PTPRN2: variants seen among roughly 807,000 people sequenced by gnomAD.
The protein encoded by PTPRN2 is protein tyrosine phosphatase receptor type N2.
Under a neutral mutation model 118.8 loss-of-function variants are expected in PTPRN2, and 74 were observed. The ratio of observed to expected loss-of-function variants is 0.62; its 90% CI spans 0.52 to 0.76. The LOEUF is 0.76. Ranked by LOEUF, PTPRN2 falls within the 30% of genes least tolerant of loss-of-function variation. The probability of loss-of-function intolerance (pLI) is 0.00; values close to 1 mark genes in which losing one functional copy is unlikely to be tolerated. For missense variants in PTPRN2, 1,481 were observed against 1,394.4 expected (o/e 1.06, Z -0.99); for synonymous variants, 641 against 608.0 (o/e 1.05, Z -0.80).
At position 157,808,142 on chromosome 7, in the gene PTPRN2, C is replaced by A. The variant is rs185357348; in HGVS notation, c.1788+90531G>T. Among the ~76,000 whole-genome samples, 508 of 150,782 alleles carry A rather than the reference C, an allele frequency of 3.4e-3. 3 individuals carry two copies. The highest frequency in any genetic ancestry group is 0.012 in the African/African-American group (478 of 40,164). ...CTCTGGGCCACGGACTGACACCAGT[C>A]TGTGGCCTGTTAGGAACTGGGGTGC... On this transcript the variant is annotated intron_variant, in intron 12 of 22. Transcript: ENST00000389418. This position sits in a 1 kb window ranked among gnomAD's most constrained non-coding sequence, Gnocchi z 5.0.
intron 11 of PTPRN2, among the ~76,000 whole-genome samples, chr7:158,069,517 C>A (rs1156825868): frequency 1.3e-5 from 2 of 150,750 alleles, no homozygotes; most frequent in Non-Finnish European, 3.0e-5. Flanking sequence ...CTTTACCCCC[C>A]AAAGTGCTGA....
At chr7:158,492,333 C>T (rs1821520620) in intron 1 of PTPRN2, among the ~76,000 whole-genome samples, 1 of 152,226 alleles carries the variant, frequency 6.6e-6, no homozygotes. Flanking sequence ...AGACACAGCT[C>T]ACGTTCTAAC....
chr7:158,500,917 C>G (rs1168877189), intron 1 of PTPRN2, among the ~76,000 whole-genome samples: 1 of 152,242 alleles, frequency 6.6e-6, no homozygotes, highest in Non-Finnish European at 1.5e-5. Flanking sequence ...TGCTGGGCCG[C>G]GCTCCTCACG....
At chr7:158,554,621 G>A (rs1440766386) in intron 1 of PTPRN2, among the ~76,000 whole-genome samples, 2 of 152,166 alleles carry the variant, frequency 1.3e-5, no homozygotes, top group African/African-American at 4.8e-5. Flanking sequence ...GAATATTTGA[G>A]ATTTGAACAA....
intron 12 of PTPRN2, chr7:157,864,898 A>G (rs1474369260): frequency 2.0e-5 from 3 of 152,184 alleles, no homozygotes; most frequent in African/African-American, 7.2e-5. Context: ...AAATGCCGCC[A>G]TCTCAGGCCC....
At chr7:158,385,386 A>C (rs989083457) in intron 2 of PTPRN2, among the ~76,000 whole-genome samples, 1 of 152,222 alleles carries the variant, frequency 6.6e-6, no homozygotes, top group African/African-American at 2.4e-5. Context: ...AGAAACATTA[A>C]GGGTGAAAGT....
chr7:158,083,265 A>G (rs1180648579), intron 10 of PTPRN2, among the ~76,000 whole-genome samples: 1 of 152,130 alleles, frequency 6.6e-6, no homozygotes, highest in East Asian at 1.9e-4. Context: ...TGATCAATTC[A>G]TATTTGTGAC....
At chr7:158,404,764 A>C (rs1586587660) in intron 2 of PTPRN2, among the ~76,000 whole-genome samples, 1 of 76,898 alleles carries the variant, frequency 1.3e-5, no homozygotes, top group Non-Finnish European at 2.5e-5. Context: ...CCCCGGCCTC[A>C]GCTCCCCGGC....
chr7:158,394,195 G>C (rs535144514), intron 2 of PTPRN2, among the ~76,000 whole-genome samples: 1 of 149,206 alleles, frequency 6.7e-6, no homozygotes, highest in South Asian at 2.1e-4. Flanking sequence ...CCACGGATGC[G>C]TGGTTCCCCT....
At chr7:158,258,886 T>C (rs956362148) in intron 3 of PTPRN2, among the ~76,000 whole-genome samples, 2 of 152,324 alleles carry the variant, frequency 1.3e-5, no homozygotes, top group South Asian at 2.1e-4. Context: ...CCACGAGGCC[T>C]GCACTGCGTG....
At chr7:158,387,578 G>GCC (rs1811576905) in intron 2 of PTPRN2, among the ~76,000 whole-genome samples, 1 of 16,946 alleles carries the variant, frequency 5.9e-5, no homozygotes, top group African/African-American at 2.7e-4. Context: ...TGTCAGCTCA[G>GCC]CTTGGCCCGG....
chr7:158,207,379 G>T (rs981132476), intron 3 of PTPRN2, among the ~76,000 whole-genome samples: 4 of 151,920 alleles, frequency 2.6e-5, no homozygotes, highest in African/African-American at 9.7e-5. Flanking sequence ...CTGAGGAATC[G>T]CCACACTGAC....
rs780420580 is a variant in PTPRN2 at position 157,779,443 on chromosome 7, C to T, written c.1789-96506G>A. ...TGCCAGAATGACCGCCCACCCGCTG[C>T]CCCTCACCACACACTGCTGCACTGT... is the stretch of plus-strand genomic sequence containing the variant. On this transcript the variant is annotated intron_variant, in intron 12 of 22. Transcript: ENST00000389418. The surrounding 1 kb of genome is among the most constrained non-coding windows in gnomAD (Gnocchi z 4.7). Among the ~76,000 whole-genome samples, 1 of 152,224 alleles carries T rather than the reference C, an allele frequency of 6.6e-6. No individual in the cohort carries two copies. Among genetic ancestry groups the T allele is most frequent in the Non-Finnish European group, 1.5e-5 (1 of 68,038 alleles).
At chr7:157,809,770 C>T (rs79838606) in intron 12 of PTPRN2, among the ~76,000 whole-genome samples, 13,632 of 152,180 alleles carry the variant, frequency 0.09, 698 homozygotes, top group Middle Eastern at 0.14. Flanking sequence ...AGCTTCCGGC[C>T]CGCGGTCCCG....
intron 11 of PTPRN2, among the ~76,000 whole-genome samples, chr7:158,058,344 C>CACTCCATCT (rs1809985400): frequency 6.8e-6 from 1 of 146,000 alleles, no homozygotes; most frequent in Non-Finnish European, 1.5e-5. Context: ...ACTACAGCCA[C>CACTCCATCT]GCTCCATCTG....
intron 6 of PTPRN2, among the ~76,000 whole-genome samples, chr7:158,154,756 A>C (rs1338280755): frequency 2.2e-5 from 2 of 90,080 alleles, no homozygotes; most frequent in Non-Finnish European, 5.4e-5. Context: ...CTTTAAAAAA[A>C]ATCATAAGTA....
chr7:158,064,856 G>A (rs1490716505), intron 11 of PTPRN2, among the ~76,000 whole-genome samples: 3 of 152,148 alleles, frequency 2.0e-5, no homozygotes, highest in Non-Finnish European at 2.9e-5. Flanking sequence ...GTGTCCCTGG[G>A]GAAAGGAGTG....
chr7:158,521,682 C>T (rs1336233319), intron 1 of PTPRN2, among the ~76,000 whole-genome samples: 14 of 91,652 alleles, frequency 1.5e-4, no homozygotes, highest in South Asian at 5.5e-4. Flanking sequence ...GGGAGGTCCA[C>T]GTCACAATGG....
In PTPRN2 at chr7:158,570,920, G is replaced by C. The variant is rs1472942120; in HGVS notation, c.112+16638C>G. Among the ~76,000 whole-genome samples the C allele has an allele frequency of 6.6e-6, 1 of 152,198 alleles. No individual in the cohort carries two copies. The highest frequency in any genetic ancestry group is 2.4e-5 in the African/African-American group (1 of 41,450). ...ACCTCTGGCCTTCCTCTGCTCAGAAGCCCACCCCTGCAGAGCAAAGCCCGG... is the reference window on the plus strand; with the variant it reads ...ACCTCTGGCCTTCCTCTGCTCAGAACCCCACCCCTGCAGAGCAAAGCCCGG... On this transcript the variant is annotated intron_variant, in intron 1 of 22. Transcript: ENST00000389418. The surrounding 1 kb of genome is among the most constrained non-coding windows in gnomAD (Gnocchi z 4.5).
Sources: gnomAD v4.1 joint callset for allele counts (sites outside exome capture counted in the v4.1 genomes callset) on GRCh38, gnomAD v4.1.1 for gene constraint, Gnocchi (gnomAD v3.1) non-coding constraint, MANE v1.5 for transcripts, NCBI Gene and HGNC (gene_info 2026-07-23, HGNC 2026-07-21) for gene names.